The following HMCN2 variants were observed in gnomAD, a reference collection of about 807,000 sequenced individuals.
HMCN2 encodes the protein hemicentin 2.
HMCN2 carries 325 observed loss-of-function variants against 377.5 expected under a neutral mutation model. The ratio of observed to expected loss-of-function variants is 0.86; its 90% CI spans 0.79 to 0.94. The LOEUF is 0.94. Among genes scored for constraint, HMCN2 ranks in the 40% least tolerant of loss-of-function variants. HMCN2 has a pLI of 0.00. For synonymous variants in HMCN2, 2,007 were observed against 2,046.8 expected (o/e 0.98, Z 0.53); for missense variants, 4,543 against 4,725.3 (o/e 0.96, Z 1.13).
rs1644877475 is a variant in HMCN2 at position 130,361,725 on chromosome 9, C to T, written c.5951-283C>T. Among the ~76,000 whole-genome samples the T allele has an allele frequency of 6.6e-6, 1 of 152,208 alleles. No homozygotes were observed. Among genetic ancestry groups the T allele is most frequent in the African/African-American group, 2.4e-5 (1 of 41,440 alleles). On this transcript the variant is annotated intron_variant, in intron 38 of 97. Transcript: ENST00000683500. This position sits in a 1 kb window ranked among gnomAD's most constrained non-coding sequence, Gnocchi z 4.8. ...CCATAATAAATGACCTTCTGCTGACCAGAGGCCTGAGTGCGAGTGCTGCTT... is the reference window on the plus strand; with the variant it reads ...CCATAATAAATGACCTTCTGCTGACTAGAGGCCTGAGTGCGAGTGCTGCTT...
chr9:130,271,850 A>G (rs1056712067), intron 1 of HMCN2, among the ~76,000 whole-genome samples: 1 of 149,338 alleles, frequency 6.7e-6, no homozygotes, highest in African/African-American at 2.4e-5. Flanking sequence ...ACTTGTATCT[A>G]TACATAGTTT....
chr9:130,380,938 A>T (rs984107345), intron 54 of HMCN2, among the ~76,000 whole-genome samples: 1 of 32,004 alleles, frequency 3.1e-5, no homozygotes, highest in African/African-American at 4.1e-5. Flanking sequence ...CTGGGTGCAC[A>T]GTAGGCTCTG....
At chr9:130,327,239 C>T (rs1838189163) in intron 21 of HMCN2, 71 bp from the exon 22 acceptor site, 1 of 152,364 alleles carries the variant, frequency 6.6e-6, no homozygotes, top group Non-Finnish European at 1.5e-5. Context: ...GGAGCTGCCC[C>T]ATGGCCCAGG....
At chr9:130,322,981 G>C (rs1488246125) in intron 19 of HMCN2, among the ~76,000 whole-genome samples, 8 of 152,166 alleles carry the variant, frequency 5.3e-5, no homozygotes, top group Non-Finnish European at 8.8e-5. Context: ...AGTTCAGAAG[G>C]GCTGGGTTGA....
rs1425107046 is a variant in HMCN2, at chr9:130,308,980, GT to G, written c.2201-929del. On this transcript the variant is annotated intron_variant, in intron 14 of 97. Coordinates refer to ENST00000683500, the MANE Select transcript of HMCN2 (RefSeq NM_001291815.2). This position sits in a 1 kb window ranked among gnomAD's most constrained non-coding sequence, Gnocchi z 4.1. ...GGAGTTAGTGTTGAATAGGTATGGA[GT>G]TTCTGTTTGGGGAGATGCAAACAGT... Among the ~76,000 whole-genome samples the G allele has an allele frequency of 6.6e-6, 1 of 152,252 alleles. No individual in the cohort carries two copies. The highest frequency in any genetic ancestry group is 1.5e-5 in the Non-Finnish European group (1 of 68,044).
In HMCN2 at chr9:130,394,000, C is replaced by T; in HGVS notation, c.10493C>T (p.Thr3498Ile). The T allele has an allele frequency of 1.6e-6, 2 of 1,263,362 alleles. No individual in the cohort carries two copies. Among genetic ancestry groups the T allele is most frequent in the Non-Finnish European group, 2.0e-6 (2 of 976,886 alleles). 78.3% of individuals were successfully genotyped at this position (1,263,362 alleles called of 1,614,324 possible). Residue 3498 changes from threonine (T) to isoleucine (I), a missense_variant, in exon 68 of 98, where the codon ACC (threonine) becomes ATC (isoleucine). Transcript: ENST00000683500. The surrounding 1 kb of genome is among the most constrained non-coding windows in gnomAD (Gnocchi z 5.2). ...AGEARRHFQL[T>I]VMEPPHIEDS... ...GAAGCCAGGAGGCATTTCCAGCTGA[C>T]CGTCATGGGTGGGTCCTCTGGCCTC...
chr9:130,327,079 T>G, intron 21 of HMCN2, among the ~76,000 whole-genome samples: 1 of 141,712 alleles, frequency 7.1e-6, no homozygotes, highest in Admixed American at 7.0e-5. Flanking sequence ...CAGAGCAAGG[T>G]GGTGGTGGGG....
rs919447257 is a variant in HMCN2 at position 130,342,400 on chromosome 9, G to A, written c.3793G>A (p.Ala1265Thr). 6.6e-6 allele frequency: 1 copy of A among 152,364 alleles called. No individual in the cohort carries two copies. The highest frequency in any genetic ancestry group is 2.4e-5 in the African/African-American group (1 of 41,444). 9.4% of individuals were successfully genotyped at this position (152,364 alleles called of 1,614,324 possible). A position where few individuals can be genotyped will look rare whatever the true frequency, so the allele number is the denominator to read the frequency against. The part of the protein sequence containing the change: ...DETSGLLERV[A>T]GENASLPCPA... ...GACCAGCGGCCTGCTGGAGCGAGTG[G>A]CCGGAGAGAATGCCAGCCTGCCGTG... Residue 1265 changes from alanine (A) to threonine (T), a missense_variant, in exon 25 of 98, where the codon GCC (alanine) becomes ACC (threonine). Around this residue, in one of 5 missense-constraint regions of HMCN2, gnomAD observed 547 missense variants for 189.9 expected, o/e 2.88. Transcript: ENST00000683500.
Position 130,394,112 on chromosome 9 carries a change from T to C in HMCN2, c.10501+104T>C. The C allele has an allele frequency of 5.8e-6, 6 of 1,038,554 alleles. No homozygotes were observed. The highest frequency in any genetic ancestry group is 7.4e-6 in the Non-Finnish European group (6 of 806,586). The allele number at this position is 1,038,554 out of a possible 1,614,324, so 64.3% of individuals were successfully genotyped here. ...GAGGGAGGTGAGTCCCCTGGAGACC[T>C]GGGACTGCCACCTGGGAGCAGAACT... On this transcript the variant is annotated intron_variant, in intron 68 of 97. Transcript: ENST00000683500. The surrounding 1 kb of genome is among the most constrained non-coding windows in gnomAD (Gnocchi z 5.1).
At chr9:130,382,356 C>G in intron 55 of HMCN2, 59 bp downstream of exon 55, 1 of 806,306 alleles carries the variant, frequency 1.2e-6, no homozygotes, top group South Asian at 5.6e-5. Flanking sequence ...TAAGGGCCTC[C>G]CTCAGAAGGG....
At position 130,430,344 on chromosome 9, in the gene HMCN2, G is replaced by T. The variant is rs1284076258; in HGVS notation, c.14387G>T (p.Gly4796Val). The T allele has an allele frequency of 1.3e-6, 2 of 1,548,100 alleles. No individual in the cohort carries two copies. Among genetic ancestry groups the T allele is most frequent in the Non-Finnish European group, 1.7e-6 (2 of 1,146,882 alleles). ...GCCTACCAGTGCCACAACCTCCAGG[G>T]CAGCTACCGCTGCCTGTGCCCCCCA... is the stretch of plus-strand genomic sequence containing the variant. ...ACAYQCHNLQ[G>V]SYRCLCPPGQ... Residue 4796 changes from glycine (G) to valine (V), a missense_variant, in exon 95 of 98, where the codon GGC becomes GTC. Physicochemically the swap from Gly to Val is moderately radical, Grantham distance 109 (BLOSUM62 -3). Transcript: ENST00000683500.
At chr9:130,348,741 G>A (rs1839532530) in intron 27 of HMCN2, 66 bp downstream of exon 27, 3 of 1,287,522 alleles carry the variant, frequency 2.3e-6, no homozygotes, top group Middle Eastern at 2.2e-4. Flanking sequence ...TCTTCTGGAT[G>A]GGCATTTCTG....
chr9:130,383,563 G>A lies in HMCN2; in HGVS notation c.8793G>A (p.Ala2931=), dbSNP rs1041681344. ...ASYMCVAENQ[A]GSAEKLFTLR... ...ACATGTGTGTGGCCGAGAACCAGGC[G>A]GGCTCCGCTGAGAAGCTCTTCACCC... is the stretch of plus-strand genomic sequence containing the variant. The change falls in exon 57 of 98, where the codon GCG becomes GCA. Residue 2931 remains alanine, a synonymous_variant. Coordinates refer to ENST00000683500, the MANE Select transcript of HMCN2 (RefSeq NM_001291815.2). 25 of 985,858 alleles carry A rather than the reference G, an allele frequency of 2.5e-5. No individual in the cohort carries two copies. Among genetic ancestry groups the A allele is most frequent in the African/African-American group, 1.6e-4 (9 of 57,218 alleles). The allele number at this position is 985,858 out of a possible 1,614,324, so 61.1% of individuals were successfully genotyped here.
chr9:130,432,591 G>C (rs1177468377), intron 97 of HMCN2, 36 bp downstream of exon 97: 8 of 1,544,192 alleles, frequency 5.2e-6, no homozygotes, highest in Non-Finnish European at 7.0e-6. Flanking sequence ...GTGCCCTCAG[G>C]AAAAGCACAT....
intron 1 of HMCN2, among the ~76,000 whole-genome samples, chr9:130,268,911 G>C (rs1166056153): frequency 6.7e-6 from 1 of 149,020 alleles, no homozygotes; most frequent in African/African-American, 2.4e-5. Context: ...TATGGGCTGT[G>C]AACAGCCACC....
rs539203414 is a variant in HMCN2, at chr9:130,396,053, G to A, written c.11041G>A (p.Val3681Met). The change falls in exon 72 of 98, where the codon GTG (valine) becomes ATG (methionine). Residue 3681 changes from valine to methionine, a missense_variant. Coordinates refer to ENST00000683500, the MANE Select transcript of HMCN2 (RefSeq NM_001291815.2). ...AGGCAGCACTAGTGTCGCCTTCCGCGTGGAGATCCACAGTGAGTAGGGCCC... is the reference window on the plus strand; with the variant it reads ...AGGCAGCACTAGTGTCGCCTTCCGCATGGAGATCCACAGTGAGTAGGGCCC... The part of the protein sequence containing the change: ...AAGSTSVAFR[V>M]EIHTVPTIRS... 123 of 1,284,178 alleles carry A rather than the reference G, an allele frequency of 9.6e-5. No homozygotes were observed. The East Asian group carries it at 4.8e-3, about 50-fold the overall frequency. 79.5% of individuals were successfully genotyped at this position (1,284,178 alleles called of 1,614,324 possible). A position where few individuals can be genotyped will look rare whatever the true frequency, so the allele number is the denominator to read the frequency against.
At position 130,431,510 on chromosome 9, in the gene HMCN2, C is replaced by T. The variant is rs1354598156; in HGVS notation, c.14767+24C>T. 5.8e-6 allele frequency: 9 copies of T among 1,545,262 alleles called. No individual in the cohort carries two copies. In the South Asian group the frequency reaches 9.5e-5, roughly 16 times the overall value. ...GGGTGAGCCGGGCTCAGGCCGCCGC[C>T]CAAACACCCGTGGGGCTAGGGCAGG... On this transcript the variant is annotated intron_variant, in intron 96 of 97. Transcript: ENST00000683500.
intron 56 of HMCN2, among the ~76,000 whole-genome samples, chr9:130,383,138 C>T (rs1181489640): frequency 6.6e-6 from 1 of 152,154 alleles, no homozygotes; most frequent in Non-Finnish European, 1.5e-5. Flanking sequence ...CGCGGGATCA[C>T]CAGCTGGCGC....
intron 96 of HMCN2, among the ~76,000 whole-genome samples, chr9:130,432,087 A>G (rs1289396733): frequency 6.6e-6 from 1 of 152,214 alleles, no homozygotes; most frequent in Non-Finnish European, 1.5e-5. Context: ...GGAAGACAGG[A>G]TCAGGGGCTC....
Sources: allele counts gnomAD v4.1 joint callset (sites outside exome capture counted in the v4.1 genomes callset), GRCh38; gene constraint gnomAD v4.1.1; regional missense constraint gnomAD v4.1.1; non-coding constraint Gnocchi (gnomAD v3.1); transcripts MANE v1.5; gene names NCBI Gene and HGNC (gene_info 2026-07-23, HGNC 2026-07-21).